The following METTL15 variants were observed in gnomAD, a reference collection of about 807,000 sequenced individuals.
The protein encoded by METTL15 is methyltransferase 15, mitochondrial 12S rRNA N4-cytidine.
METTL15 carries 34 observed loss-of-function variants against 38.3 expected under a neutral mutation model. That is an observed-to-expected ratio of 0.89 (90% CI 0.68 to 1.18). The LOEUF (loss-of-function observed/expected upper bound fraction) is 1.18, where lower values mean the gene tolerates loss of function less well. Ranked by LOEUF, METTL15 falls within the 50% of genes most tolerant of loss-of-function variation. METTL15 has a pLI of 0.00. For synonymous variants in METTL15, 162 were observed against 170.9 expected, an observed-to-expected ratio of 0.95 and a Z score of 0.41; for missense variants, 438 against 498.4, an observed-to-expected ratio of 0.88 and a Z score of 1.15.
chr11:28,515,735 A>G (rs1011191239), intron 6 of METTL15, among the ~76,000 whole-genome samples: 2 of 152,224 alleles, frequency 1.3e-5, no homozygotes, highest in African/African-American at 2.4e-5. Context: ...TTTAATCTAC[A>G]TTGAACCAGC....
chr11:28,452,000 G>T (rs1469127003), intron 6 of METTL15, among the ~76,000 whole-genome samples: 3 of 152,230 alleles, frequency 2.0e-5, no homozygotes, highest in Non-Finnish European at 4.4e-5. Flanking sequence ...GCCTGTTAGT[G>T]GTTAGTTGGT....
intron 3 of METTL15, among the ~76,000 whole-genome samples, chr11:28,174,841 C>G (rs1850999549): frequency 6.7e-6 from 1 of 148,330 alleles, no homozygotes; most frequent in East Asian, 2.0e-4. Context: ...CATAAAAAAG[C>G]AAAAAAAGCA....
chr11:28,213,778 C>T (rs1424017322), intron 4 of METTL15, among the ~76,000 whole-genome samples: 1 of 151,542 alleles, frequency 6.6e-6, no homozygotes, highest in Non-Finnish European at 1.5e-5. Flanking sequence ...GCCTCAGCCT[C>T]CCGAGTAGCT....
intron 5 of METTL15, among the ~76,000 whole-genome samples, chr11:28,397,781 C>T (rs1271758132): frequency 6.6e-6 from 1 of 152,160 alleles, no homozygotes; most frequent in Non-Finnish European, 1.5e-5. Flanking sequence ...TATAAAGACA[C>T]ATGCACATGT....
chr11:28,353,753 G>A (rs1564904183), intron 4 of METTL15, among the ~76,000 whole-genome samples: 3 of 151,180 alleles, frequency 2.0e-5, no homozygotes, highest in South Asian at 2.1e-4. Context: ...GTGAAACCCC[G>A]TCTCTACTAA....
At chr11:28,504,112 C>T (rs192073707) in intron 6 of METTL15, among the ~76,000 whole-genome samples, 42 of 147,098 alleles carry the variant, frequency 2.9e-4, no homozygotes, top group Admixed American at 1.7e-3. Flanking sequence ...GTAGGAGAAT[C>T]GCTTGAACCC....
At chr11:28,492,466 T>A (rs930199098) in intron 6 of METTL15, among the ~76,000 whole-genome samples, 1 of 151,980 alleles carries the variant, frequency 6.6e-6, no homozygotes, top group African/African-American at 2.4e-5. Flanking sequence ...GACTTCGTAT[T>A]CTTGCTGTGT....
chr11:28,511,329 T>C (rs1851672300), intron 6 of METTL15, among the ~76,000 whole-genome samples: 1 of 152,250 alleles, frequency 6.6e-6, no homozygotes, highest in African/African-American at 2.4e-5. Flanking sequence ...ACATGTATTA[T>C]ATATACTGTA....
chr11:28,201,101 G>T (rs1852095707), intron 3 of METTL15, among the ~76,000 whole-genome samples: 1 of 152,088 alleles, frequency 6.6e-6, no homozygotes, highest in South Asian at 2.1e-4. Context: ...ACAGTTTATT[G>T]AGAGTTTTTA....
chr11:28,194,478 G>A (rs1851835993), intron 3 of METTL15, among the ~76,000 whole-genome samples: 1 of 151,896 alleles, frequency 6.6e-6, no homozygotes, highest in Admixed American at 6.6e-5. Flanking sequence ...GGGATTACAA[G>A]CATGAGCCAC....
intron 5 of METTL15, among the ~76,000 whole-genome samples, chr11:28,387,314 A>T: frequency 6.6e-6 from 1 of 152,028 alleles, no homozygotes; most frequent in African/African-American, 2.4e-5. Context: ...TCTTAGCTAG[A>T]CAAAAGATGA....
At chr11:28,515,111 A>G (rs905154369) in intron 6 of METTL15, among the ~76,000 whole-genome samples, 2 of 152,202 alleles carry the variant, frequency 1.3e-5, no homozygotes, top group East Asian at 1.9e-4. Flanking sequence ...CTAATAAGCT[A>G]TGAGAGAGGG....
intron 6 of METTL15, among the ~76,000 whole-genome samples, chr11:28,329,484 A>G (rs1849745263): frequency 6.6e-6 from 1 of 152,140 alleles, no homozygotes; most frequent in African/African-American, 2.4e-5. Flanking sequence ...TAATTTGTAC[A>G]AAGAAGTCAG....
chr11:28,408,472 T>C (rs996422167), intron 5 of METTL15, among the ~76,000 whole-genome samples: 1 of 152,142 alleles, frequency 6.6e-6, no homozygotes, highest in East Asian at 1.9e-4. Context: ...CTCCACCATT[T>C]CCACTTCAGA....
chr11:28,109,267 T>C (rs1419171921), intron 1 of METTL15, among the ~76,000 whole-genome samples: 1 of 152,230 alleles, frequency 6.6e-6, no homozygotes, highest in Non-Finnish European at 1.5e-5. Context: ...TCAATAAAGC[T>C]ACTACTTATT....
At chr11:28,231,733 A>C (rs967821536) in intron 4 of METTL15, among the ~76,000 whole-genome samples, 3 of 151,802 alleles carry the variant, frequency 2.0e-5, no homozygotes, top group African/African-American at 7.2e-5. Context: ...CTTATGTTTC[A>C]AGACTTAGCA....
chr11:28,378,226 T>C (rs554535694), intron 5 of METTL15, among the ~76,000 whole-genome samples: 2 of 152,346 alleles, frequency 1.3e-5, no homozygotes, highest in East Asian at 3.9e-4. Context: ...TAAGCAAGCT[T>C]GGGCAATGGC....
At chr11:28,132,262 G>GA (rs928920013) in intron 3 of METTL15, among the ~76,000 whole-genome samples, 2 of 151,970 alleles carry the variant, frequency 1.3e-5, no homozygotes, top group African/African-American at 2.4e-5. Context: ...TCTTAAAATG[G>GA]AATAGTATAA....
At chr11:28,167,003 T>C (rs752775948) in intron 3 of METTL15, among the ~76,000 whole-genome samples, 14 of 152,232 alleles carry the variant, frequency 9.2e-5, no homozygotes, top group Non-Finnish European at 1.9e-4. Flanking sequence ...CTATTCTTTC[T>C]ATATCCGGCA....
Sources: gnomAD v4.1 joint callset for allele counts (sites outside exome capture counted in the v4.1 genomes callset) on GRCh38, gnomAD v4.1.1 for gene constraint, MANE v1.5 for transcripts, NCBI Gene and HGNC (gene_info 2026-07-23, HGNC 2026-07-21) for gene names.